The following CLASP2 variants were observed in gnomAD, a reference collection of about 807,000 sequenced individuals.
CLASP2 encodes CLIP-associating protein 2.
Under a neutral mutation model 194.4 loss-of-function variants are expected in CLASP2, and 47 were observed. The ratio of observed to expected loss-of-function variants is 0.24; its 90% confidence interval spans 0.19 to 0.31. The LOEUF (loss-of-function observed/expected upper bound fraction) is 0.31, where lower values mean the gene tolerates loss of function less well. Among genes scored for constraint, CLASP2 ranks in the 10% least tolerant of loss-of-function variants. CLASP2 has a pLI of 1.00. For missense variants in CLASP2, 1,445 were observed against 1,823.6 expected (o/e 0.79, Z 3.78); for synonymous variants, 619 against 633.5 (o/e 0.98, Z 0.34).
At chr3:33,717,241 A>AT (rs371348662) in intron 1 of CLASP2, among the ~76,000 whole-genome samples, 144 of 151,174 alleles carry the variant, frequency 9.5e-4, no homozygotes, top group African/African-American at 3.2e-3. Flanking sequence ...TCTTTCACTG[A>AT]TTTTTTTTTC....
intron 21 of CLASP2, among the ~76,000 whole-genome samples, chr3:33,586,381 C>T (rs936686038): frequency 2.0e-5 from 3 of 152,124 alleles, no homozygotes; most frequent in Non-Finnish European, 4.4e-5. Context: ...GATCTGCCTG[C>T]CTCGGCCTAC....
chr3:33,717,467 C>T (rs1047210310), intron 1 of CLASP2, among the ~76,000 whole-genome samples: 16 of 152,060 alleles, frequency 1.1e-4, no homozygotes, highest in African/African-American at 3.9e-4. Context: ...CACTCTGTCG[C>T]CCAGGCTGGA....
intron 37 of CLASP2, chr3:33,502,136 T>C (rs1532590): frequency 0.35 from 57,069 of 165,092 alleles, 10,420 homozygotes; most frequent in Admixed American, 0.49. Flanking sequence ...AAAACCTAAA[T>C]TCATTGGTTT....
chr3:33,711,246 AT>A (rs71070144), intron 1 of CLASP2, among the ~76,000 whole-genome samples: 26,831 of 133,782 alleles, frequency 0.2, 2,487 homozygotes, highest in Admixed American at 0.31. Flanking sequence ...CCAGTATTGC[AT>A]TTTTTTTTTT....
chr3:33,672,270 C>T (rs1021316939), intron 6 of CLASP2, among the ~76,000 whole-genome samples: 3 of 152,216 alleles, frequency 2.0e-5, no homozygotes, highest in African/African-American at 7.2e-5. Context: ...GAGCTGACAG[C>T]AGCATTCGCG....
intron 34 of CLASP2, among the ~76,000 whole-genome samples, chr3:33,526,123 C>T (rs897756325): frequency 4.0e-5 from 6 of 151,682 alleles, no homozygotes; most frequent in Non-Finnish European, 1.5e-5. Context: ...CAGGTGTGCA[C>T]CACCATGCCC....
At chr3:33,673,350 G>T (rs1333139049) in intron 6 of CLASP2, among the ~76,000 whole-genome samples, 10 of 152,160 alleles carry the variant, frequency 6.6e-5, no homozygotes, top group Non-Finnish European at 8.8e-5. Flanking sequence ...CTAAGCTTCA[G>T]AAGTGAAGGA....
At chr3:33,653,034 A>C (rs1427162457) in intron 7 of CLASP2, among the ~76,000 whole-genome samples, 3 of 152,168 alleles carry the variant, frequency 2.0e-5, no homozygotes, top group Non-Finnish European at 4.4e-5. Flanking sequence ...CCAAACCACA[A>C]AGTAGACAAT....
intron 1 of CLASP2, among the ~76,000 whole-genome samples, chr3:33,708,540 ATATG>A (rs2092833993): frequency 3.3e-4 from 2 of 6,072 alleles, no homozygotes; most frequent in African/African-American, 9.3e-4. Context: ...ATATATGTAT[ATATG>A]TATATATATA....
intron 9 of CLASP2, among the ~76,000 whole-genome samples, chr3:33,629,763 T>TA (rs372631796): frequency 2.8e-5 from 4 of 144,322 alleles, no homozygotes; most frequent in Admixed American, 1.4e-4. Context: ...AAATGAGTAT[T>TA]AAAAAAAAAT....
intron 10 of CLASP2, among the ~76,000 whole-genome samples, chr3:33,625,203 AG>A (rs1234298826): frequency 4.2e-5 from 3 of 70,792 alleles, no homozygotes; most frequent in African/African-American, 1.1e-4. Flanking sequence ...GGGGTGGGGG[AG>A]GGGGGAGGGA....
intron 22 of CLASP2, among the ~76,000 whole-genome samples, chr3:33,582,238 G>A (rs1231304637): frequency 6.6e-6 from 1 of 152,128 alleles, no homozygotes; most frequent in African/African-American, 2.4e-5. Flanking sequence ...CTGAACTATA[G>A]AGGCTTCTAA....
At chr3:33,711,914 C>T (rs949109576) in intron 1 of CLASP2, among the ~76,000 whole-genome samples, 1 of 152,138 alleles carries the variant, frequency 6.6e-6, no homozygotes, top group African/African-American at 2.4e-5. Flanking sequence ...AAAAGGAACA[C>T]TTTAATACTG....
rs1575573241 is a variant in CLASP2 at position 33,684,349 on chromosome 3, C to A, written c.644+10G>T. On this transcript the variant is annotated intron_variant, in intron 6 of 38. Transcript: ENST00000682230. The stretch of plus-strand genomic sequence containing the variant: ...AAAAAAAAAAAAGAACCAAATTTAG[C>A]AAGACTTACCTAGCAGGGGGAATTC... 1 of 1,522,674 alleles carries A rather than the reference C, an allele frequency of 6.6e-7. No homozygotes were observed. The highest frequency in any genetic ancestry group is 1.3e-5 in the South Asian group (1 of 78,866). 94.3% of individuals were successfully genotyped at this position (1,522,674 alleles called of 1,614,324 possible).
chr3:33,523,159 C>T (rs150928760), intron 34 of CLASP2, among the ~76,000 whole-genome samples: 35 of 152,216 alleles, frequency 2.3e-4, no homozygotes, highest in East Asian at 1.5e-3. Flanking sequence ...AATTAGTGAG[C>T]AGAGCCTAAG....
intron 34 of CLASP2, among the ~76,000 whole-genome samples, chr3:33,527,463 C>A (rs935822344): frequency 7.9e-5 from 12 of 152,150 alleles, no homozygotes; most frequent in Non-Finnish European, 1.0e-4. Context: ...AAAATTGAAT[C>A]AGTAAAACAC....
chr3:33,502,938 T>C (rs958356005), intron 37 of CLASP2: 7 of 152,236 alleles, frequency 4.6e-5, no homozygotes, highest in African/African-American at 1.7e-4. Context: ...TCATTTAGTA[T>C]GCTTCCTAAT....
At chr3:33,710,645 G>A (rs1014014029) in intron 1 of CLASP2, among the ~76,000 whole-genome samples, 3 of 152,048 alleles carry the variant, frequency 2.0e-5, no homozygotes, top group South Asian at 4.1e-4. Context: ...TTAAATTACC[G>A]AGGAGTTGGC....
chr3:33,557,099 G>C (rs562244668), intron 29 of CLASP2, among the ~76,000 whole-genome samples: 1 of 150,768 alleles, frequency 6.6e-6, no homozygotes, highest in South Asian at 2.1e-4. Context: ...TCAGCCTCCC[G>C]AGTAGCTGGG....
Sources: gnomAD v4.1 joint callset for allele counts (sites outside exome capture counted in the v4.1 genomes callset) on GRCh38, gnomAD v4.1.1 for gene constraint, MANE v1.5 for transcripts, NCBI Gene and HGNC (gene_info 2026-07-23, HGNC 2026-07-21) for gene names.